Variants in GRXCR2 observed in about 807,000 individuals in gnomAD.
GRXCR2 encodes glutaredoxin and cysteine rich domain containing 2, also known as glutaredoxin domain-containing cysteine-rich protein 2.
In GRXCR2, 23 loss-of-function variants were observed where a neutral mutation model predicts 24.8. That is an observed-to-expected ratio of 0.93 (90% CI 0.67 to 1.32). The LOEUF is 1.32. Ranked by LOEUF, GRXCR2 falls within the 40% of genes most tolerant of loss-of-function variation. The pLI is 0.00. For missense variants in GRXCR2, 315 were observed against 303.4 expected, an observed-to-expected ratio of 1.04 and a Z score of -0.28; for synonymous variants, 130 against 116.1, an observed-to-expected ratio of 1.12 and a Z score of -0.77.
intron 2 of GRXCR2, among the ~76,000 whole-genome samples, chr5:145,922,362 A>T (rs1192986418): frequency 6.6e-6 from 1 of 152,038 alleles, no homozygotes; most frequent in African/African-American, 2.4e-5. Context: ...GCCAGGTGCC[A>T]CCTCTTCAGG....
intron 2 of GRXCR2, among the ~76,000 whole-genome samples, chr5:145,908,188 T>C (rs1757116573): frequency 6.6e-6 from 1 of 152,230 alleles, no homozygotes; most frequent in Non-Finnish European, 1.5e-5. Context: ...AGAAGTCGAT[T>C]CTAAATTCCG....
intron 2 of GRXCR2, among the ~76,000 whole-genome samples, chr5:145,881,784 A>G (rs1247493882): frequency 6.6e-6 from 1 of 152,240 alleles, no homozygotes; most frequent in African/African-American, 2.4e-5. Context: ...ACAAGGCTGC[A>G]GTAACCAAAA....
In GRXCR2 at chr5:145,894,823, C is replaced by G. The variant is rs536296072; in HGVS notation, c.-69-28095G>C. 5.3e-5 allele frequency among the ~76,000 whole-genome samples: 8 copies of G among 151,440 alleles called. No homozygotes were observed. The South Asian group carries it at 1.7e-3, about 32-fold the overall frequency. ...CCTCATACCAAAGCCTGGCAGAGAC[C>G]CAATTAAAAAAAAGAGAACTTTAGA... On this transcript the variant is annotated intron_variant, in intron 2 of 3. Transcript: ENST00000639411.
intron 2 of GRXCR2, among the ~76,000 whole-genome samples, chr5:145,928,993 A>C (rs1368038249): frequency 6.6e-6 from 1 of 151,900 alleles, no homozygotes; most frequent in Non-Finnish European, 1.5e-5. Context: ...AAAATCAACT[A>C]ATAAGCCCAG....
At chr5:145,924,328 G>T (rs1241179788) in intron 2 of GRXCR2, among the ~76,000 whole-genome samples, 1 of 152,192 alleles carries the variant, frequency 6.6e-6, no homozygotes, top group East Asian at 1.9e-4. Context: ...GTCTCCATTT[G>T]TTACTGAAAA....
At chr5:145,869,693 G>A (rs1756497423) in intron 1 of GRXCR2, among the ~76,000 whole-genome samples, 1 of 152,038 alleles carries the variant, frequency 6.6e-6, no homozygotes, top group South Asian at 2.1e-4. Flanking sequence ...GAGTAGCTGG[G>A]ACTACAGGCG....
At chr5:145,891,181 C>T (rs1230794890) in intron 2 of GRXCR2, among the ~76,000 whole-genome samples, 1 of 152,144 alleles carries the variant, frequency 6.6e-6, no homozygotes, top group Admixed American at 6.6e-5. Flanking sequence ...ATAGGAACAG[C>T]TCCAGTCTAC....
intron 2 of GRXCR2, among the ~76,000 whole-genome samples, chr5:145,915,571 G>A (rs1003438849): frequency 6.6e-6 from 1 of 152,024 alleles, no homozygotes; most frequent in African/African-American, 2.4e-5. Context: ...GATCACTTGA[G>A]GTCAGATGTT....
chr5:145,928,030 T>C (rs931161622), intron 2 of GRXCR2, among the ~76,000 whole-genome samples: 2 of 151,966 alleles, frequency 1.3e-5, no homozygotes, highest in Non-Finnish European at 2.9e-5. Flanking sequence ...ATCCAGAATC[T>C]ACAATGAACT....
upstream of GRXCR2, among the ~76,000 whole-genome samples, chr5:145,876,220 C>T (rs187973966): frequency 0.23 from 26,002 of 111,310 alleles, 3,085 homozygotes; most frequent in Non-Finnish European, 0.29. Context: ...TATATATACA[C>T]ACACACACAC....
At chr5:145,897,069 G>T (rs1280616604) in intron 2 of GRXCR2, among the ~76,000 whole-genome samples, 4 of 145,924 alleles carry the variant, frequency 2.7e-5, no homozygotes, top group Admixed American at 1.4e-4. Context: ...TCACTCATAG[G>T]TGGGAATTGA....
intron 2 of GRXCR2, among the ~76,000 whole-genome samples, chr5:145,898,827 C>T (rs116281863): frequency 6.6e-6 from 1 of 151,954 alleles, no homozygotes; most frequent in African/African-American, 2.4e-5. Context: ...ACTAAATAGG[C>T]AGAAACTGGA....
intron 2 of GRXCR2, among the ~76,000 whole-genome samples, chr5:145,892,545 C>CGA (rs1362562741): frequency 2.6e-5 from 4 of 151,752 alleles, no homozygotes; most frequent in African/African-American, 7.3e-5. Context: ...GATGGAAGAA[C>CGA]AATGAATGAA....
chr5:145,906,784 T>C (rs895783300), intron 2 of GRXCR2, among the ~76,000 whole-genome samples: 1 of 152,174 alleles, frequency 6.6e-6, no homozygotes, highest in African/African-American at 2.4e-5. Context: ...CCTTCCCTCA[T>C]GGAGCTTACA....
chr5:145,866,420 A>T, intron 2 of GRXCR2, 81 bp downstream of exon 2: 1 of 873,678 alleles, frequency 1.1e-6, no homozygotes, highest in Non-Finnish European at 1.8e-6. Flanking sequence ...GGTTTTACTT[A>T]AGCAGTGCAC....
rs538620927 is a variant in GRXCR2 at position 145,885,793 on chromosome 5, C to T, written c.-69-19065G>A. Among the ~76,000 whole-genome samples, 65 of 152,280 alleles carry T rather than the reference C, an allele frequency of 4.3e-4. No individual in the cohort carries two copies. In the Middle Eastern group the frequency reaches 0.01, roughly 24 times the overall value. ...TCCGAGGAAAATAGTCTAGGAGATG[C>T]TGTTCTGAAAGGCTTCCCTCTTTAA... On this transcript the variant is annotated intron_variant, in intron 2 of 3. Transcript: ENST00000639411.
At chr5:145,896,028 G>A (rs1756943345) in intron 2 of GRXCR2, among the ~76,000 whole-genome samples, 1 of 152,106 alleles carries the variant, frequency 6.6e-6, no homozygotes, top group Non-Finnish European at 1.5e-5. Flanking sequence ...ACAAGAAATG[G>A]GGAAAGGATT....
chr5:145,919,847 G>C (rs1263416164), intron 2 of GRXCR2, among the ~76,000 whole-genome samples: 1 of 152,188 alleles, frequency 6.6e-6, no homozygotes, highest in Non-Finnish European at 1.5e-5. Flanking sequence ...GAAGTCACTT[G>C]TTTTCTGCCC....
At chr5:145,907,909 T>A (rs1482015752) in intron 2 of GRXCR2, among the ~76,000 whole-genome samples, 4 of 152,160 alleles carry the variant, frequency 2.6e-5, no homozygotes, top group Non-Finnish European at 5.9e-5. Flanking sequence ...TTCTATCATG[T>A]TAGATTTGAG....
Sources: allele counts gnomAD v4.1 joint callset (sites outside exome capture counted in the v4.1 genomes callset), GRCh38; gene constraint gnomAD v4.1.1; transcripts MANE v1.5; gene names NCBI Gene and HGNC (gene_info 2026-07-23, HGNC 2026-07-21).